Variants in TBL1X observed in about 807,000 individuals in gnomAD.
The protein encoded by TBL1X is F-box-like/WD repeat-containing protein TBL1X.
TBL1X carries 10 observed loss-of-function variants against 50.7 expected under a neutral mutation model. That is an observed-to-expected ratio of 0.20 (90% confidence interval 0.12 to 0.33). TBL1X has a LOEUF of 0.33. TBL1X is among the 10% of genes least tolerant of loss of function. TBL1X has a pLI of 1.00. For synonymous variants in TBL1X, 190 were observed against 214.7 expected (o/e 0.88, Z 1.01); for missense variants, 340 against 504.4 (o/e 0.67, Z 3.12).
chrX:9,676,067 A>G (rs2082992350), intron 5 of TBL1X, among the ~76,000 whole-genome samples: 1 of 111,825 alleles, frequency 8.9e-6, no homozygotes, highest in Non-Finnish European at 1.9e-5. Flanking sequence ...CTTTTGTTTG[A>G]GTGTGATTTG....
chrX:9,571,721 A>G (rs1380123685), intron 2 of TBL1X, among the ~76,000 whole-genome samples: 1 of 111,589 alleles, frequency 9.0e-6, no homozygotes, highest in African/African-American at 3.3e-5. Flanking sequence ...TCCTCATTAA[A>G]CATGAGCTTT....
chrX:9,691,767 T>C (rs1165341550), intron 8 of TBL1X, 56 bp downstream of exon 8: 1 of 1,182,239 alleles, frequency 8.5e-7, no homozygotes, highest in Non-Finnish European at 1.1e-6. Context: ...AGATGCAAGC[T>C]GCTCGCCCTT....
intron 1 of TBL1X, among the ~76,000 whole-genome samples, chrX:9,491,227 C>T (rs1463791407): frequency 4.5e-4 from 47 of 104,921 alleles, no homozygotes; most frequent in African/African-American, 1.6e-3. Context: ...AAGCAATCCT[C>T]CTGCCTAGGC....
intron 5 of TBL1X, among the ~76,000 whole-genome samples, chrX:9,654,809 T>C (rs1017294222): frequency 9.0e-6 from 1 of 111,410 alleles, no homozygotes; most frequent in East Asian, 2.8e-4. Context: ...TTATGGTTAG[T>C]AAGTAAACAG....
intron 2 of TBL1X, among the ~76,000 whole-genome samples, chrX:9,565,872 G>A (rs765486993): frequency 4.5e-5 from 5 of 111,466 alleles, no homozygotes; most frequent in Non-Finnish European, 9.4e-5. Context: ...AAACTTGGAA[G>A]TCACTATGCA....
At chrX:9,508,717 G>A (rs772444632) in intron 2 of TBL1X, among the ~76,000 whole-genome samples, 11 of 111,922 alleles carry the variant, frequency 9.8e-5, no homozygotes, top group Non-Finnish European at 2.1e-4. Flanking sequence ...ACTGGATAAA[G>A]AAAATGTGGC....
intron 2 of TBL1X, among the ~76,000 whole-genome samples, chrX:9,561,313 G>T (rs138136728): frequency 1.8e-4 from 20 of 111,933 alleles, no homozygotes; most frequent in African/African-American, 6.5e-4. Context: ...TTTCAGTAGA[G>T]TGAAGCTCCA....
At chrX:9,570,684 T>G (rs1414927350) in intron 2 of TBL1X, among the ~76,000 whole-genome samples, 1 of 98,035 alleles carries the variant, frequency 1.0e-5, no homozygotes, top group Non-Finnish European at 2.1e-5. Context: ...TTTTGTTTTT[T>G]TTTTTTTTTT....
At chrX:9,520,588 G>A (rs1295944865) in intron 2 of TBL1X, among the ~76,000 whole-genome samples, 1 of 111,716 alleles carries the variant, frequency 9.0e-6, no homozygotes, top group Non-Finnish European at 1.9e-5. Flanking sequence ...TAGTATCCAC[G>A]TTGGCTTCCA....
At chrX:9,468,658 A>G (rs1437911188) in intron 1 of TBL1X, among the ~76,000 whole-genome samples, 1 of 110,734 alleles carries the variant, frequency 9.0e-6, no homozygotes, top group Admixed American at 9.7e-5. Flanking sequence ...CTTGCCGTGC[A>G]CTGACTGGAG....
chrX:9,496,017 G>A (rs1289739167), intron 1 of TBL1X, among the ~76,000 whole-genome samples: 1 of 112,435 alleles, frequency 8.9e-6, no homozygotes, highest in Non-Finnish European at 1.9e-5. Context: ...CACGGAATCC[G>A]TAAATAACAA....
chrX:9,703,336 G>GGGAAGGGAAGAGATCA (rs1320921776), intron 12 of TBL1X, among the ~76,000 whole-genome samples: 87 of 110,292 alleles, frequency 7.9e-4, no homozygotes, highest in East Asian at 3.8e-3. Context: ...CACCAGAGAA[G>GGGAAGGGAAGAGATCA]CCGCCTCTTC....
intron 2 of TBL1X, among the ~76,000 whole-genome samples, chrX:9,550,525 C>G (rs1312593332): frequency 8.9e-6 from 1 of 112,024 alleles, no homozygotes; most frequent in Non-Finnish European, 1.9e-5. Flanking sequence ...TTATTAGACT[C>G]TTCAAAATCA....
intron 5 of TBL1X, among the ~76,000 whole-genome samples, chrX:9,664,780 T>G (rs1367574749): frequency 9.0e-6 from 1 of 111,407 alleles, no homozygotes; most frequent in Non-Finnish European, 1.9e-5. Context: ...TTTCAGCCCA[T>G]TCATTGAGAT....
intron 6 of TBL1X, 84 bp from the exon 7 acceptor site, chrX:9,687,933 G>T: frequency 8.8e-7 from 1 of 1,135,807 alleles, no homozygotes; most frequent in East Asian, 3.1e-5. Context: ...ACTTCCCTGC[G>T]CTTCTCCTGC....
At chrX:9,651,876 G>C (rs1362150125) in intron 3 of TBL1X, among the ~76,000 whole-genome samples, 1 of 112,584 alleles carries the variant, frequency 8.9e-6, no homozygotes, top group South Asian at 3.6e-4. Context: ...CAAAGTGAGA[G>C]GTGGAATGTC....
At chrX:9,682,585 C>T (rs769285509) in intron 5 of TBL1X, among the ~76,000 whole-genome samples, 6 of 111,781 alleles carry the variant, frequency 5.4e-5, no homozygotes, top group East Asian at 2.8e-4. Context: ...GCGCAGAGCT[C>T]GTCTCCTGGA....
intron 2 of TBL1X, among the ~76,000 whole-genome samples, chrX:9,597,956 A>G (rs968877523): frequency 6.2e-5 from 7 of 112,410 alleles, no homozygotes; most frequent in Non-Finnish European, 3.8e-5. Context: ...GTGTCCCTGC[A>G]AAAGGGATGT....
intron 5 of TBL1X, among the ~76,000 whole-genome samples, chrX:9,659,310 TC>T (rs1189580409): frequency 1.8e-5 from 2 of 112,129 alleles, no homozygotes; most frequent in Non-Finnish European, 3.8e-5. Context: ...CACTGCTCTG[TC>T]CCTAGAGTTT....
Sources: gnomAD v4.1 joint callset for allele counts (sites outside exome capture counted in the v4.1 genomes callset) on GRCh38, gnomAD v4.1.1 for gene constraint, MANE v1.5 for transcripts, NCBI Gene and HGNC (gene_info 2026-07-23, HGNC 2026-07-21) for gene names.